The following COL6A5 variants were observed in gnomAD, a reference collection of about 807,000 sequenced individuals.
COL6A5 encodes collagen type VI alpha 5 chain, also known as collagen alpha-5(VI) chain.
Under a neutral mutation model 65.6 loss-of-function variants are expected in COL6A5, and 48 were observed. The observed-to-expected ratio is 0.73, with a 90% confidence interval of 0.58 to 0.93. The LOEUF is 0.93. COL6A5 is among the 40% of genes least tolerant of loss of function. The pLI is 0.00. For synonymous variants in COL6A5, 291 were observed against 322.8 expected, an observed-to-expected ratio of 0.90 and a Z score of 1.05; for missense variants, 914 against 928.3, an observed-to-expected ratio of 0.98 and a Z score of 0.20.
chr3:130,391,423 T>A, exon 7 of COL6A5: 1 of 1,551,628 alleles, frequency 6.4e-7, no homozygotes, highest in Non-Finnish European at 8.7e-7. Flanking sequence ...GCAGGGACAC[T>A]GGAGGGAACA....
chr3:130,440,317 C>A (rs1054957203), exon 3 of COL6A5: 14 of 1,613,208 alleles, frequency 8.7e-6, no homozygotes, highest in Non-Finnish European at 1.0e-5. Context: ...TTGACAACTT[C>A]AACATTGCTT....
At chr3:130,446,863 G>C (rs572602474) in intron 4 of COL6A5, among the ~76,000 whole-genome samples, 1 of 152,222 alleles carries the variant, frequency 6.6e-6, no homozygotes, top group Non-Finnish European at 1.5e-5. Context: ...TTTTTTGCCT[G>C]TATAATGGCG....
upstream of COL6A5, chr3:130,429,571 A>G (rs537591906): frequency 4.5e-6 from 7 of 1,546,632 alleles, no homozygotes; most frequent in South Asian, 8.4e-5. Context: ...TCCTTTTCAC[A>G]GCTTGCTGGA....
At chr3:130,379,269 G>T (rs1935901698) in intron 3 of COL6A5, 149 bp from the exon 4 acceptor site, 1 of 751,944 alleles carries the variant, frequency 1.3e-6, no homozygotes, top group Non-Finnish European at 2.1e-6. Flanking sequence ...TTAGAATTTT[G>T]ATTTTTTGTT....
At chr3:130,357,238 A>G (rs1934956042) in intron 1 of COL6A5, among the ~76,000 whole-genome samples, 1 of 152,190 alleles carries the variant, frequency 6.6e-6, no homozygotes, top group Non-Finnish European at 1.5e-5. Context: ...ATGGAAAATG[A>G]TAGGAGGGCA....
intron 4 of COL6A5, among the ~76,000 whole-genome samples, chr3:130,382,191 G>T (rs1031723709): frequency 2.0e-5 from 3 of 151,996 alleles, no homozygotes; most frequent in African/African-American, 7.2e-5. Flanking sequence ...TGTATATCAA[G>T]CACCAGAGTT....
At chr3:130,357,867 CAT>C (rs1430144336) in intron 1 of COL6A5, among the ~76,000 whole-genome samples, 3 of 152,096 alleles carry the variant, frequency 2.0e-5, no homozygotes, top group African/African-American at 7.2e-5. Context: ...GCCATCATAA[CAT>C]GTGTAATGAA....
chr3:130,439,607 T>C, exon 2 of COL6A5: 1 of 1,550,370 alleles, frequency 6.5e-7, no homozygotes, highest in Non-Finnish European at 8.7e-7. Context: ...CGCTGTGCAC[T>C]TTGCTATGGT....
Position 130,440,844 on chromosome 3 carries a change from G to A in COL6A5, c.1241+19G>A, listed in dbSNP as rs78410669. 22,560 of 1,581,528 alleles carry A rather than the reference G, an allele frequency of 0.014. 484 individuals are homozygous for A. The highest frequency in any genetic ancestry group is 0.093 in the East Asian group (4,105 of 44,270). The stretch of plus-strand genomic sequence containing the variant: ...GTCAGGCGTAAGTTATTATTTCATT[G>A]TTTGTCTTTTTTTTAATAAGCTAGT... On this transcript the variant is annotated intron_variant, in intron 3 of 7. Coordinates refer to ENST00000512836, the Ensembl canonical transcript of COL6A5.
intron 4 of COL6A5, among the ~76,000 whole-genome samples, chr3:130,446,603 T>C (rs1430898981): frequency 1.3e-5 from 2 of 152,122 alleles, no homozygotes; most frequent in Admixed American, 6.5e-5. Flanking sequence ...GGTGTGCCTG[T>C]TTCTGTGGAG....
At chr3:130,367,222 GTAT>G (rs1477402314) in intron 1 of COL6A5, among the ~76,000 whole-genome samples, 1 of 152,164 alleles carries the variant, frequency 6.6e-6, no homozygotes, top group Non-Finnish European at 1.5e-5. Flanking sequence ...TCTGATAAAA[GTAT>G]TATTAGAATG....
At chr3:130,430,576 G>A (rs1468877853), upstream of COL6A5, among the ~76,000 whole-genome samples, 2 of 152,194 alleles carry the variant, frequency 1.3e-5, no homozygotes, top group Admixed American at 1.3e-4. Flanking sequence ...TTGATACATA[G>A]GGTAGATTTT....
chr3:130,467,803 G>A (rs1639025231), intron 5 of COL6A5, among the ~76,000 whole-genome samples: 1 of 152,016 alleles, frequency 6.6e-6, no homozygotes, highest in Non-Finnish European at 1.5e-5. Context: ...CTAATAAAGG[G>A]TTGAGTAGAA....
chr3:130,429,605 G>C (rs775609814), upstream of COL6A5: 32 of 1,541,788 alleles, frequency 2.1e-5, no homozygotes, highest in Middle Eastern at 1.7e-4. Context: ...TTACCATGCT[G>C]TTCCCTGCTG....
chr3:130,381,538 G>A (rs577243962), intron 4 of COL6A5, among the ~76,000 whole-genome samples: 2 of 151,896 alleles, frequency 1.3e-5, no homozygotes, highest in Non-Finnish European at 2.9e-5. Flanking sequence ...TATCATTCCA[G>A]TGAAGGATCT....
intron 1 of COL6A5, among the ~76,000 whole-genome samples, chr3:130,364,521 G>T (rs928044207): frequency 3.9e-5 from 6 of 152,184 alleles, no homozygotes; most frequent in South Asian, 2.1e-4. Flanking sequence ...AATGGTGATG[G>T]TGATGTAGAC....
intron 2 of COL6A5, among the ~76,000 whole-genome samples, 200 bp from the exon 35 acceptor site, chr3:130,439,966 C>G (rs1046620278): frequency 3.9e-5 from 6 of 152,052 alleles, no homozygotes; most frequent in African/African-American, 1.4e-4. Flanking sequence ...TCAACAAAGC[C>G]CTTCCCTTAT....
intron 13 of COL6A5, 62 bp downstream of exon 13, chr3:130,403,724 CACACAA>C: frequency 9.0e-6 from 9 of 1,005,462 alleles, no homozygotes; most frequent in South Asian, 6.3e-5. Context: ...CACACACACA[CACACAA>C]ACACACACTT....
intron 4 of COL6A5, among the ~76,000 whole-genome samples, chr3:130,384,586 C>T (rs755263567): frequency 5.7e-4 from 87 of 152,042 alleles, no homozygotes; most frequent in Non-Finnish European, 1.0e-3. Flanking sequence ...TGACCTTAGA[C>T]AAACCACTAC....
Sources: gnomAD v4.1 joint callset for allele counts (sites outside exome capture counted in the v4.1 genomes callset) on GRCh38, gnomAD v4.1.1 for gene constraint, MANE v1.5 for transcripts, NCBI Gene and HGNC (gene_info 2026-07-23, HGNC 2026-07-21) for gene names.